Variants in PNLIPRP3 observed in about 807,000 individuals in gnomAD.
PNLIPRP3 encodes the protein pancreatic lipase related protein 3, also known as pancreatic lipase-related protein 3.
A neutral mutation model predicts 52.8 loss-of-function variants in PNLIPRP3; 58 were observed. The observed-to-expected ratio is 1.10, with a 90% CI of 0.89 to 1.37. The LOEUF (loss-of-function observed/expected upper bound fraction) is 1.37. Ranked by LOEUF, PNLIPRP3 falls within the 40% of genes most tolerant of loss-of-function variation. The pLI is 0.00. For synonymous variants in PNLIPRP3, 192 were observed against 185.0 expected, an observed-to-expected ratio of 1.04 and a Z score of -0.31; for missense variants, 593 against 561.6, an observed-to-expected ratio of 1.06 and a Z score of -0.57.
chr10:116,470,222 A>G (rs1846346062), intron 9 of PNLIPRP3, among the ~76,000 whole-genome samples: 1 of 152,088 alleles, frequency 6.6e-6, no homozygotes, highest in Admixed American at 6.5e-5. Flanking sequence ...GTGCACCATG[A>G]GGCAGGTAGA....
intron 4 of PNLIPRP3, among the ~76,000 whole-genome samples, chr10:116,451,697 G>A (rs921371771): frequency 2.6e-5 from 4 of 152,080 alleles, no homozygotes; most frequent in South Asian, 2.1e-4. Context: ...GCCTTCCACC[G>A]TGATTGTAAG....
chr10:116,428,130 C>A, intron 1 of PNLIPRP3, 69 bp downstream of exon 1: 2 of 1,120,440 alleles, frequency 1.8e-6, no homozygotes, highest in African/African-American at 1.6e-5. Context: ...ATGTAATTGA[C>A]ATGAACTTAT....
chr10:116,445,134 C>T (rs1845925203), intron 4 of PNLIPRP3, among the ~76,000 whole-genome samples: 1 of 152,032 alleles, frequency 6.6e-6, no homozygotes, highest in South Asian at 2.1e-4. Flanking sequence ...TTCATTCATT[C>T]AACAAATATA....
At chr10:116,458,375 T>A (rs1846145049) in intron 5 of PNLIPRP3, among the ~76,000 whole-genome samples, 1 of 152,162 alleles carries the variant, frequency 6.6e-6, no homozygotes, top group African/African-American at 2.4e-5. Flanking sequence ...TCTTCCCTTC[T>A]GTAGACTTTT....
intron 5 of PNLIPRP3, among the ~76,000 whole-genome samples, chr10:116,457,449 G>T (rs906613383): frequency 6.6e-6 from 1 of 152,040 alleles, no homozygotes; most frequent in African/African-American, 2.4e-5. Flanking sequence ...ATACCTAGAA[G>T]TCCAAATTGG....
intron 4 of PNLIPRP3, among the ~76,000 whole-genome samples, chr10:116,450,073 C>T (rs1846012861): frequency 6.6e-6 from 1 of 151,938 alleles, no homozygotes; most frequent in Non-Finnish European, 1.5e-5. Flanking sequence ...CACAACATAC[C>T]AAAACCTATG....
intron 11 of PNLIPRP3, 105 bp downstream of exon 11, chr10:116,476,924 CTT>C (rs1326292718): frequency 7.7e-7 from 1 of 1,304,592 alleles, no homozygotes; most frequent in Non-Finnish European, 1.0e-6. Context: ...AATTTATAGA[CTT>C]TGAAATTTTG....
chr10:116,469,727 T>C (rs4751586), intron 9 of PNLIPRP3, among the ~76,000 whole-genome samples: 135,885 of 152,108 alleles, frequency 0.89, 60,821 homozygotes, highest in East Asian at 1. Context: ...TTGTAGAGAC[T>C]GGGAGGACAG....
intron 4 of PNLIPRP3, 128 bp downstream of exon 4, chr10:116,444,641 T>C: frequency 3.1e-6 from 3 of 964,006 alleles, no homozygotes; most frequent in Non-Finnish European, 4.6e-6. Flanking sequence ...ATAATAAGCA[T>C]TTGTATATGG....
chr10:116,466,843 A>C (rs1022772320), intron 8 of PNLIPRP3, among the ~76,000 whole-genome samples: 9 of 152,192 alleles, frequency 5.9e-5, no homozygotes, highest in African/African-American at 1.9e-4. Flanking sequence ...CTTCGTGAAT[A>C]AGTGCTGTGT....
At chr10:116,457,847 A>T (rs1182427906) in intron 5 of PNLIPRP3, among the ~76,000 whole-genome samples, 3 of 152,186 alleles carry the variant, frequency 2.0e-5, no homozygotes, top group Non-Finnish European at 4.4e-5. Flanking sequence ...AGTTTTTCCC[A>T]TCAGGTGAAT....
At chr10:116,455,996 A>G (rs1846108245) in intron 5 of PNLIPRP3, among the ~76,000 whole-genome samples, 166 bp downstream of exon 5, 1 of 152,268 alleles carries the variant, frequency 6.6e-6, no homozygotes, top group South Asian at 2.1e-4. Flanking sequence ...AAATGTGCAG[A>G]TTCGCTTCAA....
chr10:116,462,934 T>C (rs1846217661), intron 7 of PNLIPRP3, among the ~76,000 whole-genome samples: 1 of 152,218 alleles, frequency 6.6e-6, no homozygotes, highest in South Asian at 2.1e-4. Context: ...GGATGAGTTT[T>C]AAGACTTCAA....
chr10:116,466,069 C>A lies in PNLIPRP3; in HGVS notation c.828C>A (p.Asp276Glu), dbSNP rs1389828984. Residue 276 changes from aspartate to glutamate, a missense_variant, in exon 8 of 12, where the codon GAC (aspartate) becomes GAA (glutamate). Asp to Glu is a conservative substitution (Grantham distance 45). Coordinates refer to ENST00000369230, the MANE Select transcript of PNLIPRP3 (RefSeq NM_001011709.3). The part of the protein sequence containing the change: ...AYKKEMASFF[D>E]CNHARSYQFY... ...TCACAGAAATGGCTTCCTTCTTTGA[C>A]TGTAACCATGCCCGAAGTTATCAAT... 1 of 1,613,340 alleles carries A rather than the reference C, an allele frequency of 6.2e-7. No individual in the cohort carries two copies.
At chr10:116,467,501 T>G (rs1238933992) in intron 8 of PNLIPRP3, among the ~76,000 whole-genome samples, 1 of 152,190 alleles carries the variant, frequency 6.6e-6, no homozygotes, top group Non-Finnish European at 1.5e-5. Flanking sequence ...TAGCAAATAC[T>G]CAAGCACTGC....
intron 8 of PNLIPRP3, among the ~76,000 whole-genome samples, chr10:116,468,981 T>G (rs1234197820): frequency 6.6e-6 from 1 of 152,238 alleles, no homozygotes; most frequent in Non-Finnish European, 1.5e-5. Context: ...CTACCCATTT[T>G]TCTAATAGGG....
chr10:116,469,297 G>T lies in PNLIPRP3; in HGVS notation c.1040G>T (p.Gly347Val), dbSNP rs546073414. The change falls in exon 9 of 12, where the codon GGG becomes GTG. Residue 347 changes from glycine to valine, a missense_variant. Transcript: ENST00000369230. Reference protein sequence around the residue: ...TNGSHYFLNTGSLSPFARWRH... With the variant: ...TNGSHYFLNTVSLSPFARWRH... ...GGATCACATTATTTTTTAAACACAG[G>T]GTCCCTTTCCCCATTTGCCCGTAAG... 72 of 1,605,878 alleles carry T rather than the reference G, an allele frequency of 4.5e-5. No homozygotes were observed. In the Admixed American group the frequency reaches 1.2e-3, roughly 26 times the overall value.
At chr10:116,467,308 T>C (rs1325856532) in intron 8 of PNLIPRP3, among the ~76,000 whole-genome samples, 1 of 152,150 alleles carries the variant, frequency 6.6e-6, no homozygotes, top group African/African-American at 2.4e-5. Context: ...AGGAGATCTC[T>C]TAAGCCCAGA....
intron 1 of PNLIPRP3, among the ~76,000 whole-genome samples, chr10:116,435,015 A>C (rs1256411814): frequency 6.6e-6 from 1 of 152,222 alleles, no homozygotes; most frequent in Non-Finnish European, 1.5e-5. Context: ...TGAGTAATTC[A>C]AATATTAGGA....
Sources: allele counts gnomAD v4.1 joint callset (sites outside exome capture counted in the v4.1 genomes callset), GRCh38; gene constraint gnomAD v4.1.1; transcripts MANE v1.5; gene names NCBI Gene and HGNC (gene_info 2026-07-23, HGNC 2026-07-21).